NTSR1: variants seen among roughly 807,000 people sequenced by gnomAD.
NTSR1 encodes neurotensin receptor 1.
In NTSR1, 29 loss-of-function variants were observed where a neutral mutation model predicts 31.2. That is an observed-to-expected ratio of 0.93 (90% CI 0.69 to 1.27). The LOEUF is 1.27. Among genes scored for constraint, NTSR1 ranks in the 50% most tolerant of loss-of-function variants. The pLI is 0.00. For synonymous variants in NTSR1, 282 were observed against 269.9 expected, an observed-to-expected ratio of 1.04 and a Z score of -0.44; for missense variants, 697 against 595.4, an observed-to-expected ratio of 1.17 and a Z score of -1.78.
Position 62,715,296 on chromosome 20 carries a change from G to A in NTSR1, c.714+5375G>A, listed in dbSNP as rs113565316. Among the ~76,000 whole-genome samples the A allele has an allele frequency of 1.4e-3, 209 of 152,262 alleles. 3 individuals are homozygous for A. Among genetic ancestry groups the A allele is most frequent in the African/African-American group, 4.8e-3 (199 of 41,524 alleles). On this transcript the variant is annotated intron_variant, in intron 1 of 3. Transcript: ENST00000370501. This position sits in a 1 kb window ranked among gnomAD's most constrained non-coding sequence, Gnocchi z 4.7. ...TGCCTGTTGGAGCCAGGTGGGAGAC[G>A]GCAGGGTGAGGACGTGCAGACATGC...
chr20:62,754,022 C>T (rs1989436651), intron 1 of NTSR1, among the ~76,000 whole-genome samples: 1 of 152,228 alleles, frequency 6.6e-6, no homozygotes, highest in Non-Finnish European at 1.5e-5. Flanking sequence ...GGCAGGACCT[C>T]TACCCTGTCC....
Position 62,754,889 on chromosome 20 carries a change from A to G in NTSR1, c.916+3A>G. ...GCGGCACGGCGTGCGCGTCCTACGT[A>G]CGTAACCTCTGGGCCCTCCAGGGGC... On this transcript the variant is annotated splice_donor_region_variant and intron_variant, in intron 2 of 3. Coordinates refer to ENST00000370501, the MANE Select transcript of NTSR1 (RefSeq NM_002531.3). 6.3e-7 allele frequency: 1 copy of G among 1,592,044 alleles called. No homozygotes were observed. The highest frequency in any genetic ancestry group is 8.5e-7 in the Non-Finnish European group (1 of 1,173,636).
chr20:62,737,198 AC>A (rs995178326), intron 1 of NTSR1, among the ~76,000 whole-genome samples: 8 of 152,122 alleles, frequency 5.3e-5, no homozygotes, highest in African/African-American at 1.9e-4. Flanking sequence ...GCCAACCCAG[AC>A]CCACCTGGAG....
At chr20:62,738,749 G>A (rs964077825) in intron 1 of NTSR1, among the ~76,000 whole-genome samples, 11 of 152,246 alleles carry the variant, frequency 7.2e-5, no homozygotes, top group Non-Finnish European at 1.2e-4. Context: ...GCTCACGCTG[G>A]TCCTCGAGGT....
rs909342576 is a variant in NTSR1, at chr20:62,742,932, C to T, written c.715-11753C>T. On this transcript the variant is annotated intron_variant, in intron 1 of 3. Coordinates refer to ENST00000370501, the MANE Select transcript of NTSR1 (RefSeq NM_002531.3). This position sits in a 1 kb window ranked among gnomAD's most constrained non-coding sequence, Gnocchi z 7.1. ...CCTGTTCATCCCAGGGCACCTGTCACGGGACATACCCACAGCACAGGCAAG... is the reference window on the plus strand; with the variant it reads ...CCTGTTCATCCCAGGGCACCTGTCATGGGACATACCCACAGCACAGGCAAG... Among the ~76,000 whole-genome samples the T allele has an allele frequency of 1.3e-5, 2 of 149,578 alleles. No individual in the cohort carries two copies. Among genetic ancestry groups the T allele is most frequent in the African/African-American group, 2.5e-5 (1 of 40,038 alleles).
intron 1 of NTSR1, among the ~76,000 whole-genome samples, chr20:62,730,511 C>T (rs1988985233): frequency 6.6e-6 from 1 of 152,156 alleles, no homozygotes; most frequent in African/African-American, 2.4e-5. Flanking sequence ...TGATGGACAT[C>T]TTGGTTTTTG....
intron 1 of NTSR1, among the ~76,000 whole-genome samples, chr20:62,717,658 G>A (rs1293394357): frequency 6.6e-6 from 1 of 152,228 alleles, no homozygotes; most frequent in Non-Finnish European, 1.5e-5. Context: ...CAGAAATGCA[G>A]CAGCGCTTGG....
intron 1 of NTSR1, among the ~76,000 whole-genome samples, chr20:62,720,933 A>G (rs1038447568): frequency 9.9e-5 from 15 of 152,026 alleles, no homozygotes; most frequent in African/African-American, 3.6e-4. Context: ...AATGTTTGGG[A>G]TTTTCCAGAT....
Position 62,744,534 on chromosome 20 carries a change from G to A in NTSR1, c.715-10151G>A, listed in dbSNP as rs553156456. 2.5e-3 allele frequency among the ~76,000 whole-genome samples: 371 copies of A among 146,196 alleles called. 1 individual carries two copies. Among genetic ancestry groups the A allele is most frequent in the Admixed American group, 8.6e-3 (124 of 14,394 alleles). On this transcript the variant is annotated intron_variant, in intron 1 of 3. Coordinates refer to ENST00000370501, the MANE Select transcript of NTSR1 (RefSeq NM_002531.3). This position sits in a 1 kb window ranked among gnomAD's most constrained non-coding sequence, Gnocchi z 4.1. ...CACACCACTGCACTCCAGCCTGGGT[G>A]ACAGAACAAGACTCCGTCTCAAAAA...
Position 62,758,954 on chromosome 20 carries a change from C to A in NTSR1, c.1007+598C>A, listed in dbSNP as rs1055478401. Among the ~76,000 whole-genome samples the A allele has an allele frequency of 2.0e-5, 3 of 152,296 alleles. No individual in the cohort carries two copies. Among genetic ancestry groups the A allele is most frequent in the African/African-American group, 7.2e-5 (3 of 41,566 alleles). On this transcript the variant is annotated intron_variant, in intron 3 of 3. Coordinates refer to ENST00000370501, the MANE Select transcript of NTSR1 (RefSeq NM_002531.3). This position sits in a 1 kb window ranked among gnomAD's most constrained non-coding sequence, Gnocchi z 4.5. ...CCTGGCAAAACCCCTACTGTTTGCACCAACAGTTCAGGGGCAGGGAGCCCT... is the reference window on the plus strand; with the variant it reads ...CCTGGCAAAACCCCTACTGTTTGCAACAACAGTTCAGGGGCAGGGAGCCCT...
intron 2 of NTSR1, among the ~76,000 whole-genome samples, chr20:62,755,751 G>T (rs117112806): frequency 0.12 from 39 of 330 alleles, 10 homozygotes; most frequent in Non-Finnish European, 0.18. Context: ...CCTCCCTCCA[G>T]CCATCCTCCC....
At chr20:62,726,035 G>A (rs770536368) in intron 1 of NTSR1, among the ~76,000 whole-genome samples, 38 of 152,310 alleles carry the variant, frequency 2.5e-4, no homozygotes, top group African/African-American at 5.8e-4. Context: ...CCAGAATGTC[G>A]GGGGCAGCAT....
intron 1 of NTSR1, among the ~76,000 whole-genome samples, chr20:62,716,606 T>C (rs114298916): frequency 0.011 from 1,603 of 147,478 alleles, 15 homozygotes; most frequent in African/African-American, 0.033. Context: ...CCTGCCTCCG[T>C]GAGTCTGTGA....
intron 1 of NTSR1, among the ~76,000 whole-genome samples, chr20:62,729,722 A>G (rs901657180): frequency 9.3e-5 from 14 of 150,622 alleles, no homozygotes; most frequent in African/African-American, 3.4e-4. Flanking sequence ...CCCAGATTCA[A>G]GTGATTCTCC....
intron 1 of NTSR1, among the ~76,000 whole-genome samples, chr20:62,724,263 G>T (rs957588153): frequency 6.6e-6 from 1 of 152,240 alleles, no homozygotes; most frequent in Non-Finnish European, 1.5e-5. Context: ...TGGGGCCCCT[G>T]CAACCCCAGA....
rs937590199 is a variant in NTSR1 at position 62,743,798 on chromosome 20, C to T, written c.715-10887C>T. ...AGAATACAAAACAAGCAATTGCTCT[C>T]GAAGAGCGAGGTGAGAACGCCCTGC... On this transcript the variant is annotated intron_variant, in intron 1 of 3. Transcript: ENST00000370501. This position sits in a 1 kb window ranked among gnomAD's most constrained non-coding sequence, Gnocchi z 7.5. Among the ~76,000 whole-genome samples, 5 of 152,040 alleles carry T rather than the reference C, an allele frequency of 3.3e-5. No homozygotes were observed. The highest frequency in any genetic ancestry group is 9.7e-5 in the African/African-American group (4 of 41,332).
chr20:62,757,295 G>A (rs770865831), intron 2 of NTSR1, among the ~76,000 whole-genome samples: 3 of 152,150 alleles, frequency 2.0e-5, no homozygotes, highest in Non-Finnish European at 2.9e-5. Context: ...TGGATGTCCC[G>A]TTTTCCTAAC....
At chr20:62,722,098 A>C (rs1394209622) in intron 1 of NTSR1, among the ~76,000 whole-genome samples, 4 of 152,166 alleles carry the variant, frequency 2.6e-5, no homozygotes, top group Non-Finnish European at 5.9e-5. Context: ...CACATTAAAG[A>C]GACTGGATTG....
intron 1 of NTSR1, among the ~76,000 whole-genome samples, chr20:62,717,694 G>A (rs897593447): frequency 2.0e-5 from 3 of 152,190 alleles, no homozygotes; most frequent in African/African-American, 7.2e-5. Flanking sequence ...CCCCAGGCAG[G>A]AGGAATTCTC....
Sources: gnomAD v4.1 joint callset for allele counts (sites outside exome capture counted in the v4.1 genomes callset) on GRCh38, gnomAD v4.1.1 for gene constraint, Gnocchi (gnomAD v3.1) non-coding constraint, MANE v1.5 for transcripts, NCBI Gene and HGNC (gene_info 2026-07-23, HGNC 2026-07-21) for gene names.